ULK4: variants seen among roughly 807,000 people sequenced by gnomAD.
ULK4 encodes inactive serine/threonine-protein kinase ULK4.
ULK4 carries 133 observed loss-of-function variants against 160.6 expected under a neutral mutation model. The observed-to-expected ratio is 0.83, with a 90% CI of 0.72 to 0.96. The LOEUF is 0.96. Among genes scored for constraint, ULK4 ranks in the 40% least tolerant of loss-of-function variants. The pLI, the probability that ULK4 is intolerant of heterozygous loss-of-function variation, is 0.00. For synonymous variants in ULK4, 534 were observed against 539.8 expected (o/e 0.99, Z 0.15); for missense variants, 1,580 against 1,499.5 (o/e 1.05, Z -0.89).
At chr3:41,690,208 G>A (rs1390445243) in intron 27 of ULK4, among the ~76,000 whole-genome samples, 9 of 149,314 alleles carry the variant, frequency 6.0e-5, no homozygotes, top group African/African-American at 9.8e-5. Context: ...ACCAAACACC[G>A]CATATTCTCA....
chr3:41,698,949 C>T (rs1353660468), intron 27 of ULK4, among the ~76,000 whole-genome samples: 2 of 152,040 alleles, frequency 1.3e-5, no homozygotes, highest in East Asian at 1.9e-4. Context: ...TTATCCATGT[C>T]GTTAAGTGTA....
Position 41,403,771 on chromosome 3 carries a change from C to G in ULK4, c.3493-5507G>C, listed in dbSNP as rs867727843. Among the ~76,000 whole-genome samples the G allele has an allele frequency of 3.9e-5, 6 of 152,184 alleles. 1 individual carries two copies. In the Middle Eastern group the frequency reaches 0.014, roughly 345 times the overall value. ...CTCTCAGGACAGCTTTTAGCTGTAGCCTACGTATTTTGATATGTTTTCATT... is the reference window on the plus strand; with the variant it reads ...CTCTCAGGACAGCTTTTAGCTGTAGGCTACGTATTTTGATATGTTTTCATT... On this transcript the variant is annotated intron_variant, in intron 34 of 36. Transcript: ENST00000301831.
At chr3:41,608,759 A>G (rs2032510256) in intron 31 of ULK4, among the ~76,000 whole-genome samples, 1 of 152,230 alleles carries the variant, frequency 6.6e-6, no homozygotes, top group Non-Finnish European at 1.5e-5. Flanking sequence ...TGCCATGGCC[A>G]GAATTCAGGG....
At chr3:41,795,370 T>C (rs1420184987) in intron 20 of ULK4, among the ~76,000 whole-genome samples, 1 of 152,154 alleles carries the variant, frequency 6.6e-6, no homozygotes, top group African/African-American at 2.4e-5. Context: ...CTATTCCTCT[T>C]TGTCTCCCAG....
At chr3:41,694,763 T>C (rs2036431204) in intron 27 of ULK4, among the ~76,000 whole-genome samples, 1 of 152,252 alleles carries the variant, frequency 6.6e-6, no homozygotes, top group African/African-American at 2.4e-5. Context: ...TATACTCTAT[T>C]TTTTAAATTT....
chr3:41,718,602 C>T (rs771738687), intron 22 of ULK4, among the ~76,000 whole-genome samples: 13 of 152,198 alleles, frequency 8.5e-5, no homozygotes, highest in Middle Eastern at 3.4e-3. Flanking sequence ...CCCCAACTCC[C>T]TACAGGGCAA....
intron 34 of ULK4, among the ~76,000 whole-genome samples, chr3:41,413,479 A>T (rs2082454290): frequency 6.6e-6 from 1 of 152,246 alleles, no homozygotes; most frequent in Non-Finnish European, 1.5e-5. Flanking sequence ...TAAATTAAAA[A>T]TAGTTCAAAA....
chr3:41,411,031 C>T (rs1376686151), intron 34 of ULK4, among the ~76,000 whole-genome samples: 2 of 152,174 alleles, frequency 1.3e-5, no homozygotes, highest in Admixed American at 1.3e-4. Context: ...CCAGAGGACA[C>T]AAGTTAACCC....
intron 35 of ULK4, among the ~76,000 whole-genome samples, chr3:41,264,933 C>G (rs552607236): frequency 6.6e-6 from 1 of 152,298 alleles, no homozygotes; most frequent in African/African-American, 2.4e-5. Context: ...TGCAGTGAAT[C>G]CCCAGTGTGG....
intron 19 of ULK4, among the ~76,000 whole-genome samples, chr3:41,816,823 T>A (rs1014091219): frequency 6.6e-6 from 1 of 152,108 alleles, no homozygotes; most frequent in Non-Finnish European, 1.5e-5. Flanking sequence ...GCCCACCAGA[T>A]TGACAAAAAT....
In ULK4 at chr3:41,705,257, T is replaced by C. The variant is rs758625196; in HGVS notation, c.2683A>G (p.Ile895Val). 3 of 1,613,584 alleles carry C rather than the reference T, an allele frequency of 1.9e-6. No individual in the cohort carries two copies. The highest frequency in any genetic ancestry group is 2.5e-6 in the Non-Finnish European group (3 of 1,179,754). ...DSGETNIDGA[I>V]GLTASEEFIK... is the part of the protein sequence containing the mutation. ...AAATGTTCCAGGGTCTACTCACCTA[T>C]GGCTCCATCTATGTTCGTTTCTCCT... Residue 895 changes from isoleucine to valine, a missense_variant, in exon 26 of 37, where the codon ATA becomes GTA. By Grantham distance (29) the Ile-to-Val change is conservative. Transcript: ENST00000301831.
intron 5 of ULK4, among the ~76,000 whole-genome samples, chr3:41,924,931 A>T (rs1401653676): frequency 1.3e-5 from 2 of 152,160 alleles, no homozygotes; most frequent in Non-Finnish European, 2.9e-5. Context: ...CAGAGCTTCA[A>T]TGGCCCAAAG....
chr3:41,542,912 C>T (rs982429325), intron 32 of ULK4, among the ~76,000 whole-genome samples: 1 of 152,016 alleles, frequency 6.6e-6, no homozygotes, highest in African/African-American at 2.4e-5. Flanking sequence ...TTTCAGCATG[C>T]AAAGAGGTCT....
intron 34 of ULK4, among the ~76,000 whole-genome samples, chr3:41,418,667 C>G (rs1287417552): frequency 7.4e-6 from 1 of 135,084 alleles, no homozygotes; most frequent in East Asian, 1.9e-4. Flanking sequence ...TTCTTGGGAC[C>G]ATTCAGGACC....
intron 21 of ULK4, among the ~76,000 whole-genome samples, chr3:41,757,201 A>C (rs1399487460): frequency 6.6e-6 from 1 of 152,254 alleles, no homozygotes; most frequent in African/African-American, 2.4e-5. Context: ...CATGTGGAAT[A>C]TCACATTAAC....
chr3:41,785,837 A>G (rs927205785), intron 21 of ULK4, among the ~76,000 whole-genome samples: 7 of 152,124 alleles, frequency 4.6e-5, no homozygotes, highest in African/African-American at 1.7e-4. Context: ...TCTTCTTCCA[A>G]CTGCCCAGGT....
chr3:41,275,231 A>T (rs1432379505), intron 35 of ULK4, among the ~76,000 whole-genome samples: 1 of 152,216 alleles, frequency 6.6e-6, no homozygotes, highest in Non-Finnish European at 1.5e-5. Flanking sequence ...GATCCTCTGG[A>T]TCAGTGATCC....
At chr3:41,763,877 TTTTA>T (rs2125910736) in intron 21 of ULK4, among the ~76,000 whole-genome samples, 1 of 152,384 alleles carries the variant, frequency 6.6e-6, no homozygotes, top group South Asian at 2.1e-4. Context: ...GTCTTTTTCA[TTTTA>T]TTTAAATGTT....
chr3:41,402,756 T>C lies in ULK4; in HGVS notation c.3493-4492A>G, dbSNP rs747894519. On this transcript the variant is annotated intron_variant, in intron 34 of 36. Transcript: ENST00000301831. ...CATTGATGTATTCAATTTGCTAATA[T>C]TTTGCTGAGGAGTTTTGTGTTTACA... Among the ~76,000 whole-genome samples the C allele has an allele frequency of 5.3e-5, 8 of 152,320 alleles. No individual in the cohort carries two copies. The East Asian group carries it at 1.3e-3, about 26-fold the overall frequency.
Sources: gnomAD v4.1 joint callset for allele counts (sites outside exome capture counted in the v4.1 genomes callset) on GRCh38, gnomAD v4.1.1 for gene constraint, MANE v1.5 for transcripts, NCBI Gene and HGNC (gene_info 2026-07-23, HGNC 2026-07-21) for gene names.